Variants in OPHN1 observed in about 807,000 individuals in gnomAD.
OPHN1 encodes oligophrenin 1, also known as oligophrenin-1.
In OPHN1, 11 loss-of-function variants were observed where a neutral mutation model predicts 60.7. The observed-to-expected ratio is 0.18, with a 90% confidence interval of 0.11 to 0.30. The LOEUF is 0.30. OPHN1 is among the 10% of genes least tolerant of loss of function. The pLI is 1.00. For synonymous variants in OPHN1, 226 were observed against 222.6 expected, an observed-to-expected ratio of 1.02 and a Z score of -0.14; for missense variants, 449 against 611.0, an observed-to-expected ratio of 0.73 and a Z score of 2.80.
At chrX:68,341,505 A>G (rs1208496041) in intron 2 of OPHN1, among the ~76,000 whole-genome samples, 1 of 111,695 alleles carries the variant, frequency 9.0e-6, no homozygotes, top group Non-Finnish European at 1.9e-5. Flanking sequence ...GAAATTGTAG[A>G]AAGAAAAAGG....
chrX:68,075,791 A>C (rs1450752212), intron 19 of OPHN1, among the ~76,000 whole-genome samples: 10 of 109,097 alleles, frequency 9.2e-5, no homozygotes, highest in Admixed American at 8.9e-4. Context: ...AAAAAAAAAA[A>C]AAAAAAAAAA....
At chrX:68,404,644 G>A (rs1014070673) in intron 2 of OPHN1, among the ~76,000 whole-genome samples, 4 of 110,822 alleles carry the variant, frequency 3.6e-5, no homozygotes, top group African/African-American at 1.3e-4. Context: ...AACAAAATGC[G>A]GTATATATAC....
chrX:68,102,279 G>A (rs1402506276), intron 18 of OPHN1: 1 of 111,975 alleles, frequency 8.9e-6, no homozygotes, highest in Non-Finnish European at 1.9e-5. Flanking sequence ...TGACTACTGG[G>A]TAAATAACAA....
At chrX:68,358,074 T>C (rs753616336) in intron 2 of OPHN1, among the ~76,000 whole-genome samples, 1 of 107,277 alleles carries the variant, frequency 9.3e-6, no homozygotes, top group East Asian at 2.9e-4. Flanking sequence ...ACAGATCAAT[T>C]GAGGCCAGCA....
chrX:68,417,304 G>C, intron 2 of OPHN1, among the ~76,000 whole-genome samples: 1 of 111,173 alleles, frequency 9.0e-6, no homozygotes, highest in East Asian at 2.8e-4. Context: ...TGTAGCCCAG[G>C]CTTGTCTGGA....
intron 6 of OPHN1, among the ~76,000 whole-genome samples, chrX:68,230,620 T>G (rs1024510640): frequency 9.1e-6 from 1 of 109,448 alleles, no homozygotes; most frequent in African/African-American, 3.3e-5. Flanking sequence ...TGTAGGGACA[T>G]GGATGAAGCT....
intron 2 of OPHN1, among the ~76,000 whole-genome samples, chrX:68,405,263 G>C (rs1331990686): frequency 9.0e-6 from 1 of 111,674 alleles, no homozygotes; most frequent in Non-Finnish European, 1.9e-5. Context: ...GAATGAAGTG[G>C]TGTGATTATA....
At chrX:68,104,445 T>C (rs1310626628) in intron 18 of OPHN1, among the ~76,000 whole-genome samples, 1 of 111,664 alleles carries the variant, frequency 9.0e-6, no homozygotes, top group Non-Finnish European at 1.9e-5. Context: ...CAAAACAGCA[T>C]TGTCCTGGTA....
At chrX:68,271,720 G>C (rs1183438293) in intron 5 of OPHN1, among the ~76,000 whole-genome samples, 1 of 111,432 alleles carries the variant, frequency 9.0e-6, no homozygotes, top group African/African-American at 3.3e-5. Flanking sequence ...TTGCAGGTGA[G>C]CTCAACGGGG....
intron 2 of OPHN1, among the ~76,000 whole-genome samples, chrX:68,350,250 A>G (rs2078400705): frequency 9.0e-6 from 1 of 111,548 alleles, no homozygotes; most frequent in Non-Finnish European, 1.9e-5. Flanking sequence ...TATCAACAAA[A>G]TAAATAATTT....
At chrX:68,187,651 G>A (rs898816164) in intron 15 of OPHN1, among the ~76,000 whole-genome samples, 2 of 111,140 alleles carry the variant, frequency 1.8e-5, no homozygotes, top group African/African-American at 3.3e-5. Flanking sequence ...TGTTTGAGGT[G>A]GAGTCTTGCT....
At chrX:68,193,058 C>T in intron 14 of OPHN1, 65 bp from the exon 15 acceptor site, 2 of 869,630 alleles carry the variant, frequency 2.3e-6, no homozygotes, top group Non-Finnish European at 1.7e-6. Flanking sequence ...CCCCTTGGTA[C>T]ACTAGGGTCA....
chrX:68,422,449 G>A (rs1468086935), intron 2 of OPHN1, among the ~76,000 whole-genome samples: 1 of 106,038 alleles, frequency 9.4e-6, no homozygotes, highest in Non-Finnish European at 1.9e-5. Context: ...CTTGGGGTTG[G>A]GATTCAAGGT....
intron 2 of OPHN1, among the ~76,000 whole-genome samples, chrX:68,324,948 G>A (rs1046317075): frequency 4.5e-5 from 5 of 110,310 alleles, no homozygotes; most frequent in African/African-American, 1.7e-4. Flanking sequence ...CTACGCGGGA[G>A]GCTGAGGTCG....
At chrX:68,174,774 G>T (rs986633899) in intron 15 of OPHN1, among the ~76,000 whole-genome samples, 15 of 110,183 alleles carry the variant, frequency 1.4e-4, no homozygotes, top group African/African-American at 4.9e-4. Context: ...GCCCAGCCTG[G>T]AATGGTTAGT....
At chrX:68,275,387 C>T (rs1321741700) in intron 4 of OPHN1, among the ~76,000 whole-genome samples, 1 of 111,461 alleles carries the variant, frequency 9.0e-6, no homozygotes, top group Non-Finnish European at 1.9e-5. Flanking sequence ...TTAATATTGG[C>T]AATAATAAAT....
At chrX:68,421,535 C>A (rs2078826464) in intron 2 of OPHN1, among the ~76,000 whole-genome samples, 1 of 111,447 alleles carries the variant, frequency 9.0e-6, no homozygotes, top group Non-Finnish European at 1.9e-5. Context: ...ATTACCCACC[C>A]TCTTCCTCCC....
chrX:68,218,494 G>C (rs1307840357), intron 6 of OPHN1, among the ~76,000 whole-genome samples: 1 of 109,070 alleles, frequency 9.2e-6, no homozygotes, highest in African/African-American at 3.3e-5. Flanking sequence ...CACCAAAGTT[G>C]AAATGAAGGA....
chrX:68,228,226 A>C (rs1051930732), intron 6 of OPHN1, among the ~76,000 whole-genome samples: 3 of 112,014 alleles, frequency 2.7e-5, no homozygotes, highest in Non-Finnish European at 3.8e-5. Flanking sequence ...TGAATCCCTG[A>C]ATAGACTAAT....
Sources: allele counts gnomAD v4.1 joint callset (sites outside exome capture counted in the v4.1 genomes callset), GRCh38; gene constraint gnomAD v4.1.1; transcripts MANE v1.5; gene names NCBI Gene and HGNC (gene_info 2026-07-23, HGNC 2026-07-21).